Variants in CC2D2B observed in about 807,000 individuals in gnomAD.
CC2D2B encodes protein CC2D2B.
In CC2D2B, 128 loss-of-function variants were observed where a neutral mutation model predicts 161.2. The ratio of observed to expected loss-of-function variants is 0.79; its 90% CI spans 0.69 to 0.92. The LOEUF (loss-of-function observed/expected upper bound fraction) is 0.92, where lower values mean the gene tolerates loss of function less well. CC2D2B is among the 40% of genes least tolerant of loss of function. CC2D2B has a pLI of 0.00. For synonymous variants in CC2D2B, 391 were observed against 449.8 expected, an observed-to-expected ratio of 0.87 and a Z score of 1.65; for missense variants, 1,173 against 1,375.1, an observed-to-expected ratio of 0.85 and a Z score of 2.32.
chr10:96,006,698 A>G (rs2078763579), intron 25 of CC2D2B, among the ~76,000 whole-genome samples: 1 of 152,166 alleles, frequency 6.6e-6, no homozygotes, highest in Admixed American at 6.5e-5. Flanking sequence ...CCTTTGATTT[A>G]CAAGGGATTG....
At chr10:96,000,592 C>T (rs2078444607) in intron 24 of CC2D2B, among the ~76,000 whole-genome samples, 1 of 152,036 alleles carries the variant, frequency 6.6e-6, no homozygotes, top group African/African-American at 2.4e-5. Context: ...TATTGATCTC[C>T]TGACCTCATG....
intron 9 of CC2D2B, among the ~76,000 whole-genome samples, chr10:95,942,243 T>C (rs1365770947): frequency 6.6e-6 from 1 of 152,172 alleles, no homozygotes; most frequent in Admixed American, 6.6e-5. Context: ...TAGGGATCTA[T>C]GGTACAACAT....
chr10:96,029,814 T>C (rs1171284855), intron 34 of CC2D2B, among the ~76,000 whole-genome samples: 1 of 93,490 alleles, frequency 1.1e-5, no homozygotes, highest in African/African-American at 3.8e-5. Flanking sequence ...TTATTGTTGT[T>C]TTGTTTTTTT....
Position 95,983,699 on chromosome 10 carries a change from A to T in CC2D2B, c.2176A>T (p.Lys726Ter). Reference protein sequence around the residue: ...FNFVSEEEMAKSKRFQLLQLR... With the variant: ...FNFVSEEEMA ...CTTCGTTTCTGAAGAGGAAATGGCA[A>T]AGAGTAAACGTTTCCAGCTATTGCA... Residue 726 changes from lysine to a stop codon, truncating the protein, a stop_gained, in exon 19 of 35, where the codon AAG (lysine) becomes TAG (stop). Transcript: ENST00000646931. LOFTEE classifies it high-confidence loss of function. 8.1e-7 allele frequency: 1 copy of T among 1,231,180 alleles called. No homozygotes were observed. The highest frequency in any genetic ancestry group is 1.0e-6 in the Non-Finnish European group (1 of 987,180). 76.3% of individuals were successfully genotyped at this position (1,231,180 alleles called of 1,614,324 possible).
At chr10:95,917,701 T>C (rs2098519069) in intron 2 of CC2D2B, among the ~76,000 whole-genome samples, 1 of 152,194 alleles carries the variant, frequency 6.6e-6, no homozygotes, top group Non-Finnish European at 1.5e-5. Context: ...CCTTTAACTT[T>C]ATCCCCCCTG....
At chr10:95,934,216 C>T (rs920077711) in intron 6 of CC2D2B, among the ~76,000 whole-genome samples, 8 of 152,116 alleles carry the variant, frequency 5.3e-5, no homozygotes, top group African/African-American at 1.2e-4. Context: ...TCAGTAATGG[C>T]GGACGCCCCT....
intron 9 of CC2D2B, among the ~76,000 whole-genome samples, chr10:95,945,777 C>CT (rs34209550): frequency 0.012 from 973 of 81,052 alleles, 6 homozygotes; most frequent in East Asian, 0.025. Context: ...TAATGTTGGA[C>CT]TTTTTTTTTT....
At chr10:95,921,853 G>A (rs1019456007) in intron 2 of CC2D2B, among the ~76,000 whole-genome samples, 163 bp from the exon 3 acceptor site, 8 of 152,048 alleles carry the variant, frequency 5.3e-5, no homozygotes, top group Non-Finnish European at 8.8e-5. Context: ...TGTAAATGAC[G>A]AGTTGATGGG....
chr10:95,935,789 C>T (rs1473059180), intron 6 of CC2D2B, among the ~76,000 whole-genome samples: 2 of 152,280 alleles, frequency 1.3e-5, no homozygotes, highest in Non-Finnish European at 2.9e-5. Context: ...AGATGCTATG[C>T]CTGACAACCC....
At chr10:95,978,567 G>A (rs1488964330) in intron 17 of CC2D2B, among the ~76,000 whole-genome samples, 1 of 152,034 alleles carries the variant, frequency 6.6e-6, no homozygotes, top group Non-Finnish European at 1.5e-5. Context: ...AGATGAGGAG[G>A]TCTTGCTATG....
chr10:95,918,779 A>G (rs975129757), intron 2 of CC2D2B, among the ~76,000 whole-genome samples: 6 of 152,046 alleles, frequency 3.9e-5, no homozygotes, highest in African/African-American at 1.4e-4. Context: ...TCTAGCTACC[A>G]TAGGCATGCT....
At chr10:95,958,958 C>T (rs2076672591) in intron 11 of CC2D2B, among the ~76,000 whole-genome samples, 1 of 151,890 alleles carries the variant, frequency 6.6e-6, no homozygotes, top group Non-Finnish European at 1.5e-5. Context: ...GAAAGCTGAT[C>T]AAGTGGAAAA....
chr10:96,000,559 T>C lies in CC2D2B; in HGVS notation c.2850-3593T>C, dbSNP rs7915970. On this transcript the variant is annotated intron_variant, in intron 24 of 34. Coordinates refer to ENST00000646931, the MANE Select transcript of CC2D2B (RefSeq NM_001349008.3). ...ATTTGTATTTTTGATAGAGACAGGG[T>C]TTCACCATGTTAGTCAGGATGGTAT... 3.4e-3 allele frequency among the ~76,000 whole-genome samples: 523 copies of C among 152,060 alleles called. 3 individuals are homozygous for C. The highest frequency in any genetic ancestry group is 0.012 in the African/African-American group (495 of 41,496).
At chr10:96,007,822 A>G (rs2078818051) in intron 25 of CC2D2B, among the ~76,000 whole-genome samples, 1 of 152,130 alleles carries the variant, frequency 6.6e-6, no homozygotes, top group African/African-American at 2.4e-5. Context: ...GGTGCTGCCA[A>G]TGGGAGGGGT....
chr10:95,929,992 G>A (rs2098546940), intron 6 of CC2D2B, among the ~76,000 whole-genome samples: 1 of 152,146 alleles, frequency 6.6e-6, no homozygotes, highest in Admixed American at 6.5e-5. Flanking sequence ...GGGCAGTATG[G>A]CCATTTTCAC....
At chr10:96,014,980 G>A (rs2079129226) in intron 29 of CC2D2B, among the ~76,000 whole-genome samples, 1 of 152,086 alleles carries the variant, frequency 6.6e-6, no homozygotes, top group Non-Finnish European at 1.5e-5. Context: ...TCATTGCCAT[G>A]AGCTCTATAG....
chr10:95,998,351 T>G (rs926049777), intron 24 of CC2D2B, among the ~76,000 whole-genome samples: 23 of 152,212 alleles, frequency 1.5e-4, no homozygotes, highest in Non-Finnish European at 2.6e-4. Flanking sequence ...TACAGTGACA[T>G]GTATCTACCA....
At position 95,922,070 on chromosome 10, in the gene CC2D2B, CA is replaced by C; in HGVS notation, c.96del (p.Asp33IlefsTer2). 2.7e-6 allele frequency: 4 copies of C among 1,506,226 alleles called. No homozygotes were observed. Among genetic ancestry groups the C allele is most frequent in the Non-Finnish European group, 3.6e-6 (4 of 1,108,540 alleles). 93.3% of individuals were successfully genotyped at this position (1,506,226 alleles called of 1,614,324 possible). A position where few individuals can be genotyped will look rare whatever the true frequency, so the allele number is the denominator to read the frequency against. The part of the protein sequence containing the change: ...TAEEIIDKHL[Q>X]KDLDAEENQN... ...TGAAGAAATTATAGACAAGCATCTC[CA>C]AAAAGGTTCTCAATAAGTATACCAT... On this transcript the variant is annotated frameshift_variant, in exon 3 of 35. Transcript: ENST00000646931. LOFTEE classifies it high-confidence loss of function.
intron 9 of CC2D2B, among the ~76,000 whole-genome samples, chr10:95,944,524 A>G (rs2076129910): frequency 1.3e-5 from 2 of 152,232 alleles, no homozygotes; most frequent in South Asian, 4.1e-4. Context: ...TTTGCTCCAG[A>G]TATAGCAGAG....
Sources: gnomAD v4.1 joint callset for allele counts (sites outside exome capture counted in the v4.1 genomes callset) on GRCh38, gnomAD v4.1.1 for gene constraint, MANE v1.5 for transcripts, NCBI Gene and HGNC (gene_info 2026-07-23, HGNC 2026-07-21) for gene names.